Variants in NKAIN3 observed in about 807,000 individuals in gnomAD.
The protein encoded by NKAIN3 is sodium/potassium-transporting ATPase subunit beta-1-interacting protein 3.
A neutral mutation model predicts 30.2 loss-of-function variants in NKAIN3; 25 were observed. The ratio of observed to expected loss-of-function variants is 0.83; its 90% CI spans 0.60 to 1.16. NKAIN3 has a LOEUF of 1.16. NKAIN3 is among the 50% of genes most tolerant of loss of function. NKAIN3 has a pLI of 0.00. For synonymous variants in NKAIN3, 91 were observed against 89.6 expected (o/e 1.02, Z -0.09); for missense variants, 225 against 254.1 (o/e 0.89, Z 0.78).
At chr8:62,315,966 A>G (rs1349296700) in intron 1 of NKAIN3, among the ~76,000 whole-genome samples, 1 of 152,158 alleles carries the variant, frequency 6.6e-6, no homozygotes, top group Non-Finnish European at 1.5e-5. Flanking sequence ...GGTGGGAGTA[A>G]TTGAATCATG....
At chr8:62,561,827 G>A (rs1809588985) in intron 1 of NKAIN3, among the ~76,000 whole-genome samples, 2 of 152,000 alleles carry the variant, frequency 1.3e-5, no homozygotes, top group Non-Finnish European at 2.9e-5. Flanking sequence ...TAAAATATGG[G>A]GCTTGTTGAA....
chr8:62,450,363 G>A (rs1447672609), intron 1 of NKAIN3, among the ~76,000 whole-genome samples: 1 of 152,048 alleles, frequency 6.6e-6, no homozygotes, highest in Non-Finnish European at 1.5e-5. Context: ...GAAGAGTTGG[G>A]AAAACAAGTA....
At chr8:62,326,767 A>G (rs1281273429) in intron 1 of NKAIN3, among the ~76,000 whole-genome samples, 1 of 151,938 alleles carries the variant, frequency 6.6e-6, no homozygotes, top group Non-Finnish European at 1.5e-5. Context: ...ACATGAGTAT[A>G]CAAATATCTG....
chr8:62,739,533 C>G (rs1815793577), intron 3 of NKAIN3, among the ~76,000 whole-genome samples: 1 of 152,014 alleles, frequency 6.6e-6, no homozygotes, highest in South Asian at 2.1e-4. Context: ...CATATTACAA[C>G]AAGTTAGTAT....
At chr8:62,725,105 T>C (rs1038605016) in intron 3 of NKAIN3, among the ~76,000 whole-genome samples, 1 of 152,174 alleles carries the variant, frequency 6.6e-6, no homozygotes, top group Non-Finnish European at 1.5e-5. Flanking sequence ...CTCATTGTAG[T>C]TTTGATTTGC....
chr8:62,283,673 C>T (rs2129397399), intron 1 of NKAIN3, among the ~76,000 whole-genome samples: 2 of 151,754 alleles, frequency 1.3e-5, no homozygotes, highest in East Asian at 3.9e-4. Context: ...CAGGAGATTC[C>T]CTTAATTTAA....
chr8:62,933,561 T>C (rs1363989172), intron 5 of NKAIN3, among the ~76,000 whole-genome samples: 1 of 152,202 alleles, frequency 6.6e-6, no homozygotes, highest in East Asian at 1.9e-4. Context: ...CATGATTTTT[T>C]CTCTCAGCCA....
chr8:62,711,002 T>C (rs1489209287), intron 3 of NKAIN3, among the ~76,000 whole-genome samples: 1 of 152,180 alleles, frequency 6.6e-6, no homozygotes, highest in Non-Finnish European at 1.5e-5. Flanking sequence ...GGATGCTTAG[T>C]TTTGCTGGAT....
intron 4 of NKAIN3, among the ~76,000 whole-genome samples, chr8:62,772,070 C>T (rs1163387195): frequency 6.6e-6 from 1 of 152,032 alleles, no homozygotes; most frequent in Admixed American, 6.6e-5. Context: ...CTATTCTTCC[C>T]ACCCTCTGGT....
chr8:62,534,791 T>A (rs981650504), intron 1 of NKAIN3, among the ~76,000 whole-genome samples: 1 of 151,920 alleles, frequency 6.6e-6, no homozygotes, highest in African/African-American at 2.4e-5. Flanking sequence ...CTTCTCCATA[T>A]GGCTGCCCCT....
intron 4 of NKAIN3, among the ~76,000 whole-genome samples, chr8:62,885,865 A>G (rs1055045256): frequency 6.6e-6 from 1 of 151,970 alleles, no homozygotes; most frequent in Non-Finnish European, 1.5e-5. Flanking sequence ...TTTTATCTGT[A>G]TGTGTTTTTA....
At chr8:62,329,365 A>T (rs1815258546) in intron 1 of NKAIN3, among the ~76,000 whole-genome samples, 1 of 152,156 alleles carries the variant, frequency 6.6e-6, no homozygotes, top group Non-Finnish European at 1.5e-5. Flanking sequence ...ATCATGGATT[A>T]AAGGGTACAT....
chr8:62,776,609 C>T (rs944867890), intron 4 of NKAIN3, among the ~76,000 whole-genome samples: 17 of 151,992 alleles, frequency 1.1e-4, no homozygotes, highest in Admixed American at 1.1e-3. Context: ...AGTTCTTGCC[C>T]CTGCTTTTAA....
intron 3 of NKAIN3, among the ~76,000 whole-genome samples, chr8:62,648,873 C>T (rs1339160237): frequency 6.6e-6 from 1 of 152,110 alleles, no homozygotes; most frequent in African/African-American, 2.4e-5. Context: ...ACAGGTCAGT[C>T]AGTAAGCTCT....
intron 4 of NKAIN3, among the ~76,000 whole-genome samples, chr8:62,787,153 A>AACTT (rs1817545744): frequency 1.3e-5 from 2 of 152,174 alleles, no homozygotes; most frequent in South Asian, 4.1e-4. Context: ...TGAGGGAAAT[A>AACTT]ACTGATGCTT....
chr8:62,899,483 C>T (rs1488936562), intron 4 of NKAIN3, among the ~76,000 whole-genome samples: 2 of 152,132 alleles, frequency 1.3e-5, no homozygotes, highest in East Asian at 3.9e-4. Flanking sequence ...GTGAAATAAG[C>T]CAGGCACAGA....
In NKAIN3 at chr8:62,706,701, A is replaced by T. The variant is rs186425556; in HGVS notation, c.274-40231A>T. 3.4e-4 allele frequency among the ~76,000 whole-genome samples: 52 copies of T among 152,088 alleles called. No individual in the cohort carries two copies. The Middle Eastern group carries it at 0.01, about 30-fold the overall frequency. The stretch of plus-strand genomic sequence containing the variant: ...ACTTATTTATTATTTTTATTTTTCC[A>T]TAAGTTATTGGGATACAGGTGGTAT... On this transcript the variant is annotated intron_variant, in intron 3 of 6. Transcript: ENST00000623646.
In NKAIN3 at chr8:62,918,473, C is replaced by G. The variant is rs559709109; in HGVS notation, c.492C>G (p.Ala164=). The part of the protein sequence containing the change: ...ILLSLVGFVY[A]CYVISISMEE... ...TGCAGTTGGTGGGTTTTGTGTATGC[C>G]TGTTATGTGATCAGTATTTCCATGG... The change falls in exon 5 of 7, where the codon GCC becomes GCG. Residue 164 remains alanine, a synonymous_variant. Transcript: ENST00000623646. 1.5e-5 allele frequency: 24 copies of G among 1,612,952 alleles called. No homozygotes were observed. The East Asian group carries it at 4.9e-4, about 33-fold the overall frequency.
At chr8:62,562,922 C>G (rs79654766) in intron 1 of NKAIN3, among the ~76,000 whole-genome samples, 4 of 151,990 alleles carry the variant, frequency 2.6e-5, no homozygotes, top group Non-Finnish European at 4.4e-5. Context: ...ACTTTTGGCC[C>G]GTAACCCTGT....
Sources: allele counts gnomAD v4.1 joint callset (sites outside exome capture counted in the v4.1 genomes callset), GRCh38; gene constraint gnomAD v4.1.1; transcripts MANE v1.5; gene names NCBI Gene and HGNC (gene_info 2026-07-23, HGNC 2026-07-21).